The following PRMT8 variants were observed in gnomAD, a reference collection of about 807,000 sequenced individuals.
PRMT8 encodes the protein protein arginine N-methyltransferase 8.
PRMT8 carries 7 observed loss-of-function variants against 47.1 expected under a neutral mutation model. The observed-to-expected ratio is 0.15, with a 90% CI of 0.08 to 0.28. The LOEUF (loss-of-function observed/expected upper bound fraction) is 0.28. Ranked by LOEUF, PRMT8 falls within the 10% of genes least tolerant of loss-of-function variation. PRMT8 has a pLI of 1.00. For missense variants in PRMT8, 237 were observed against 505.4 expected (o/e 0.47, Z 5.09); for synonymous variants, 188 against 186.5 (o/e 1.01, Z -0.07).
At position 3,447,585 on chromosome 12, in the gene PRMT8, G is replaced by A. The variant is rs1026254445; in HGVS notation, c.48+66143G>A. Among the ~76,000 whole-genome samples, 5 of 152,168 alleles carry A rather than the reference G, an allele frequency of 3.3e-5. No homozygotes were observed. The South Asian group carries it at 1.0e-3, about 32-fold the overall frequency. On this transcript the variant is annotated intron_variant, in intron 1 of 9. Transcript: ENST00000452611. ...CTCAGGAAGCCTGTCTTGTCCCCTTGCCTCATCTCTAACCCAAGCCCCTGC... is the reference window on the plus strand; with the variant it reads ...CTCAGGAAGCCTGTCTTGTCCCCTTACCTCATCTCTAACCCAAGCCCCTGC...
In PRMT8 at chr12:3,569,942, A is replaced by G. The variant is rs1182645681; in HGVS notation, c.712+378A>G. On this transcript the variant is annotated intron_variant, in intron 6 of 9. Transcript: ENST00000382622. This position sits in a 1 kb window ranked among gnomAD's most constrained non-coding sequence, Gnocchi z 8.2. ...GTCCACCGCAGGGGTCTGAAGTAGC[A>G]GGTCTCTTGCCAGGCCAATTGTTTT... Among the ~76,000 whole-genome samples, 2 of 152,236 alleles carry G rather than the reference A, an allele frequency of 1.3e-5. No individual in the cohort carries two copies. The highest frequency in any genetic ancestry group is 3.8e-4 in the East Asian group (2 of 5,196).
rs894919819 is a variant in PRMT8 at position 3,396,440 on chromosome 12, T to C, written c.48+14998T>C. Among the ~76,000 whole-genome samples, 94 of 152,306 alleles carry C rather than the reference T, an allele frequency of 6.2e-4. 2 individuals carry two copies. The highest frequency in any genetic ancestry group is 2.1e-3 in the African/African-American group (86 of 41,576). ...CAAAATCTCTCAGCATTTGCTTGTCTGTAAAGTATTTTATTTCTCCTTCAC... is the reference window on the plus strand; with the variant it reads ...CAAAATCTCTCAGCATTTGCTTGTCCGTAAAGTATTTTATTTCTCCTTCAC... On this transcript the variant is annotated intron_variant, in intron 1 of 9. Coordinates refer to the PRMT8 transcript ENST00000452611.
intron 1 of PRMT8, among the ~76,000 whole-genome samples, chr12:3,423,881 A>G (rs1429403872): frequency 6.6e-6 from 1 of 152,130 alleles, no homozygotes; most frequent in Non-Finnish European, 1.5e-5. Context: ...GCTATGCAAT[A>G]TTGTCCAATA....
chr12:3,444,516 C>A (rs1273905990), intron 1 of PRMT8, among the ~76,000 whole-genome samples: 1 of 152,186 alleles, frequency 6.6e-6, no homozygotes, highest in Non-Finnish European at 1.5e-5. Context: ...ACACTCTGGT[C>A]ATATTCTGTT....
chr12:3,399,367 G>A (rs1864295405), intron 1 of PRMT8, among the ~76,000 whole-genome samples: 1 of 152,176 alleles, frequency 6.6e-6, no homozygotes, highest in Admixed American at 6.5e-5. Flanking sequence ...AAGCTTTCAG[G>A]GAGTTTAAGC....
chr12:3,474,614 T>A (rs533350147), intron 1 of PRMT8, among the ~76,000 whole-genome samples: 1 of 152,154 alleles, frequency 6.6e-6, no homozygotes, highest in African/African-American at 2.4e-5. Flanking sequence ...CCTCTTTGCT[T>A]GACTAACCCC....
rs956809312 is a variant in PRMT8 at position 3,491,214 on chromosome 12, C to T, written c.-412C>T. 6.4e-5 allele frequency: 64 copies of T among 998,280 alleles called. No homozygotes were observed. Among genetic ancestry groups the T allele is most frequent in the Admixed American group, 1.7e-4 (3 of 17,418 alleles). 61.8% of individuals were successfully genotyped at this position (998,280 alleles called of 1,614,324 possible). A position where few individuals can be genotyped will look rare whatever the true frequency, so the allele number is the denominator to read the frequency against. On this transcript the variant is annotated 5_prime_UTR_variant, in exon 1 of 10. Coordinates refer to ENST00000382622, the MANE Select transcript of PRMT8 (RefSeq NM_019854.5). ...GCAGGAAGCGTGTTGCTTCGCCCAG[C>T]GGATCGGCAGAAGTTGAGAGGAGTT... is the stretch of plus-strand genomic sequence containing the variant.
intron 1 of PRMT8, among the ~76,000 whole-genome samples, chr12:3,477,746 C>T (rs1031025902): frequency 6.6e-6 from 1 of 152,192 alleles, no homozygotes; most frequent in Non-Finnish European, 1.5e-5. Flanking sequence ...CCCCACTGCT[C>T]CTGTACCCGA....
intron 6 of PRMT8, among the ~76,000 whole-genome samples, chr12:3,573,632 G>A (rs1256655636): frequency 6.6e-6 from 1 of 152,130 alleles, no homozygotes; most frequent in Non-Finnish European, 1.5e-5. Context: ...CCTCTGCCAG[G>A]CTATTAGAAT....
intron 1 of PRMT8, among the ~76,000 whole-genome samples, chr12:3,430,237 A>G (rs1864659687): frequency 6.6e-6 from 1 of 152,210 alleles, no homozygotes; most frequent in African/African-American, 2.4e-5. Context: ...GATTTTCACG[A>G]TGCTTTTCCA....
At chr12:3,431,319 A>G (rs1864673511) in intron 1 of PRMT8, among the ~76,000 whole-genome samples, 3 of 151,184 alleles carry the variant, frequency 2.0e-5, no homozygotes, top group African/African-American at 7.3e-5. Context: ...GAGAGAGATC[A>G]GTAGCAGAGA....
chr12:3,496,207 T>TAC lies in PRMT8; in HGVS notation c.75+4508_75+4509insCA, dbSNP rs1297164575. 9.4e-5 allele frequency among the ~76,000 whole-genome samples: 3 copies of TAC among 32,068 alleles called. 1 individual carries two copies. The East Asian group carries it at 2.3e-3, about 25-fold the overall frequency. The allele number at this position is 32,068 out of a possible 152,430, so 21.0% of individuals were successfully genotyped here. A position where few individuals can be genotyped will look rare whatever the true frequency, so the allele number is the denominator to read the frequency against. On this transcript the variant is annotated intron_variant, in intron 1 of 9. Transcript: ENST00000382622. ...GAGTCACTTTGGAAACTGATATATA[T>TAC]ATATATATTTTTTTTTTTTTTTTTT...
chr12:3,519,529 G>C (rs1157595573), intron 1 of PRMT8, among the ~76,000 whole-genome samples: 1 of 152,232 alleles, frequency 6.6e-6, no homozygotes, highest in African/African-American at 2.4e-5. Context: ...GGCTGTTTGA[G>C]GAACAGTGGG....
chr12:3,552,694 A>G lies in PRMT8; in HGVS notation c.418-957A>G, dbSNP rs1866443424. ...AGCTCTAACCAAGTGACCCCTTCTG[A>G]CCCCGTAGGTGCCCTCACCCTTCCT... On this transcript the variant is annotated intron_variant, in intron 3 of 9. Coordinates refer to ENST00000382622, the MANE Select transcript of PRMT8 (RefSeq NM_019854.5). This position sits in a 1 kb window ranked among gnomAD's most constrained non-coding sequence, Gnocchi z 4.5. 4.3e-6 allele frequency: 2 copies of G among 461,412 alleles called. No homozygotes were observed. Among genetic ancestry groups the G allele is most frequent in the Non-Finnish European group, 8.7e-6 (2 of 229,750 alleles). The allele number at this position is 461,412 out of a possible 1,614,324, so 28.6% of individuals were successfully genotyped here.
At position 3,446,663 on chromosome 12, in the gene PRMT8, CAACT is replaced by C. The variant is rs568412494; in HGVS notation, c.48+65222_48+65225del. Among the ~76,000 whole-genome samples the C allele has an allele frequency of 1.2e-4, 18 of 152,268 alleles. No homozygotes were observed. The East Asian group carries it at 3.5e-3, about 29-fold the overall frequency. On this transcript the variant is annotated intron_variant, in intron 1 of 9. Transcript: ENST00000452611. ...ATCCACCAATGCCTGTTGGAAAGGC[CAACT>C]TCTCCCTGGGGATCCCTGGGCAAAT...
At chr12:3,477,215 G>A (rs7974885) in intron 1 of PRMT8, among the ~76,000 whole-genome samples, 115,377 of 152,200 alleles carry the variant, frequency 0.76, 43,999 homozygotes, top group Middle Eastern at 0.86. Flanking sequence ...ATAAAAGCCA[G>A]TGGGACTAAA....
intron 1 of PRMT8, among the ~76,000 whole-genome samples, chr12:3,394,031 G>C (rs1380753801): frequency 7.2e-6 from 1 of 138,480 alleles, no homozygotes; most frequent in East Asian, 2.1e-4. Flanking sequence ...TGGTGTATAA[G>C]AATGCTTGTG....
At chr12:3,498,428 C>G (rs1865540870) in intron 1 of PRMT8, among the ~76,000 whole-genome samples, 1 of 152,150 alleles carries the variant, frequency 6.6e-6, no homozygotes, top group African/African-American at 2.4e-5. Flanking sequence ...AGACACCAGC[C>G]CAGCTTTCCT....
At position 3,569,117 on chromosome 12, in the gene PRMT8, A is replaced by G. The variant is rs746042162; in HGVS notation, c.624+269A>G. On this transcript the variant is annotated intron_variant, in intron 5 of 9. Coordinates refer to ENST00000382622, the MANE Select transcript of PRMT8 (RefSeq NM_019854.5). The surrounding 1 kb of genome is among the most constrained non-coding windows in gnomAD (Gnocchi z 8.2). ...GACATCCGTTCTCTCTTGTCGAGTT[A>G]AAGGTCCGTTTCGGTCAGCAAGTAC... Among the ~76,000 whole-genome samples, 1 of 152,168 alleles carries G rather than the reference A, an allele frequency of 6.6e-6. No individual in the cohort carries two copies. Among genetic ancestry groups the G allele is most frequent in the Non-Finnish European group, 1.5e-5 (1 of 68,030 alleles).
Sources: gnomAD v4.1 joint callset for allele counts (sites outside exome capture counted in the v4.1 genomes callset) on GRCh38, gnomAD v4.1.1 for gene constraint, Gnocchi (gnomAD v3.1) non-coding constraint, MANE v1.5 for transcripts, NCBI Gene and HGNC (gene_info 2026-07-23, HGNC 2026-07-21) for gene names.